The following VEPH1 variants were observed in gnomAD, a reference collection of about 807,000 sequenced individuals.
The protein encoded by VEPH1 is ventricular zone-expressed PH domain-containing protein homolog 1.
In VEPH1, 80 loss-of-function variants were observed where a neutral mutation model predicts 85.2. That is an observed-to-expected ratio of 0.94 (90% confidence interval 0.78 to 1.13). The LOEUF (loss-of-function observed/expected upper bound fraction) is 1.13. Among genes scored for constraint, VEPH1 ranks in the 50% most tolerant of loss-of-function variants. The probability of loss-of-function intolerance (pLI) is 0.00; values close to 1 mark genes in which losing one functional copy is unlikely to be tolerated. For missense variants in VEPH1, 955 were observed against 980.5 expected (o/e 0.97, Z 0.35); for synonymous variants, 297 against 348.0 (o/e 0.85, Z 1.63).
At chr3:157,437,110 A>G in intron 4 of VEPH1, 1 of 1,599,682 alleles carries the variant, frequency 6.3e-7, no homozygotes, top group African/African-American at 1.3e-5. Context: ...CTACATATCC[A>G]CCTCTTGGTC....
At chr3:157,402,623 T>G (rs992527244) in intron 6 of VEPH1, among the ~76,000 whole-genome samples, 31 of 152,190 alleles carry the variant, frequency 2.0e-4, no homozygotes, top group Admixed American at 2.0e-3. Context: ...TAGACCTTTA[T>G]AGGATCTATA....
chr3:157,428,453 A>G lies in VEPH1; in HGVS notation c.565T>C (p.Tyr189His). The change falls in exon 5 of 14, where the codon TAT becomes CAT. Residue 189 changes from tyrosine to histidine, a missense_variant. By Grantham distance (83) the Tyr-to-His change is moderately conservative. Transcript: ENST00000362010. Reference protein sequence around the residue: ...TMLLRVLPAVYEKQPQPINRH... With the variant: ...TMLLRVLPAVHEKQPQPINRH... ...TTAATTGGCTGAGGCTGCTTTTCAT[A>G]CACAGCAGGTAACACTCTCAACAAC... 1.9e-6 allele frequency: 3 copies of G among 1,614,044 alleles called. No individual in the cohort carries two copies. Among genetic ancestry groups the G allele is most frequent in the Non-Finnish European group, 2.5e-6 (3 of 1,179,988 alleles).
chr3:157,494,847 T>A (rs1188631700), intron 2 of VEPH1, among the ~76,000 whole-genome samples: 1 of 152,180 alleles, frequency 6.6e-6, no homozygotes, highest in African/African-American at 2.4e-5. Flanking sequence ...TGTTTACTGA[T>A]GCTGTTATGC....
At chr3:157,428,188 A>T in intron 5 of VEPH1, 134 bp downstream of exon 5, 1 of 854,764 alleles carries the variant, frequency 1.2e-6, no homozygotes, top group Non-Finnish European at 1.7e-6. Flanking sequence ...CAGAGTAAGT[A>T]GATGAGCGCT....
intron 11 of VEPH1, among the ~76,000 whole-genome samples, chr3:157,313,009 A>T (rs897664467): frequency 1.6e-4 from 22 of 137,604 alleles, no homozygotes; most frequent in African/African-American, 5.5e-4. Context: ...GGTTCACGCC[A>T]TTCTCCTGCC....
intron 4 of VEPH1, among the ~76,000 whole-genome samples, chr3:157,430,704 T>C (rs1221985723): frequency 2.6e-5 from 4 of 152,186 alleles, no homozygotes; most frequent in Non-Finnish European, 5.9e-5. Flanking sequence ...TGATGGTCCA[T>C]TGACCAAATA....
At chr3:157,484,023 T>C (rs559095734) in intron 2 of VEPH1, among the ~76,000 whole-genome samples, 76 of 152,192 alleles carry the variant, frequency 5.0e-4, no homozygotes, top group African/African-American at 1.7e-3. Context: ...CAAATAAAAC[T>C]ATATCTAGAC....
intron 12 of VEPH1, among the ~76,000 whole-genome samples, chr3:157,272,367 TC>T (rs1235710358): frequency 2.6e-5 from 3 of 113,874 alleles, no homozygotes; most frequent in Admixed American, 2.1e-4. Flanking sequence ...TTTCTTTCTT[TC>T]TCTTTCTTTT....
chr3:157,288,273 CT>C (rs1198155841), intron 11 of VEPH1, among the ~76,000 whole-genome samples: 3 of 152,164 alleles, frequency 2.0e-5, no homozygotes, highest in African/African-American at 7.2e-5. Context: ...ATTTTATTTC[CT>C]TTCCTTTAGC....
intron 6 of VEPH1, among the ~76,000 whole-genome samples, chr3:157,399,220 C>T (rs193241879): frequency 3.3e-5 from 5 of 152,238 alleles, no homozygotes; most frequent in Admixed American, 3.3e-4. Flanking sequence ...TTGGGAAGTT[C>T]TAGAAATGTC....
chr3:157,312,900 A>ATTTTTTTTTT (rs140277345), intron 11 of VEPH1, among the ~76,000 whole-genome samples: 2 of 98,102 alleles, frequency 2.0e-5, no homozygotes, highest in African/African-American at 4.2e-5. Context: ...AAAAAAAAAC[A>ATTTTTTTTTT]TTTTTTTTTT....
intron 5 of VEPH1, among the ~76,000 whole-genome samples, chr3:157,418,821 A>G (rs752759491): frequency 1.3e-5 from 2 of 152,248 alleles, no homozygotes; most frequent in Non-Finnish European, 2.9e-5. Flanking sequence ...ACAGAATTAG[A>G]AAAGACTATT....
intron 5 of VEPH1, among the ~76,000 whole-genome samples, chr3:157,421,431 G>A (rs1423767069): frequency 3.3e-5 from 5 of 152,174 alleles, no homozygotes; most frequent in Admixed American, 6.5e-5. Context: ...TTTAATGCAG[G>A]CAGGGAAGCT....
At chr3:157,491,013 C>T (rs1037037368) in intron 2 of VEPH1, among the ~76,000 whole-genome samples, 1 of 152,132 alleles carries the variant, frequency 6.6e-6, no homozygotes, top group Non-Finnish European at 1.5e-5. Context: ...CCTATGACAA[C>T]ATTTATATAA....
chr3:157,426,277 A>G (rs1732747138), intron 5 of VEPH1, among the ~76,000 whole-genome samples: 1 of 152,206 alleles, frequency 6.6e-6, no homozygotes, highest in South Asian at 2.1e-4. Flanking sequence ...CTCTAGGGGT[A>G]GAGCATGCAT....
chr3:157,286,364 C>A (rs1716767216), intron 12 of VEPH1, 193 bp downstream of exon 12: 2 of 621,188 alleles, frequency 3.2e-6, no homozygotes, highest in South Asian at 1.9e-5. Context: ...TTCTCTGCCT[C>A]CCAAAGTTTT....
intron 3 of VEPH1, among the ~76,000 whole-genome samples, chr3:157,465,071 T>G (rs975919460): frequency 6.6e-6 from 1 of 152,116 alleles, no homozygotes. Flanking sequence ...TACATCCCAG[T>G]CCCCTCCCAT....
chr3:157,480,639 T>C (rs1397006413), intron 2 of VEPH1, among the ~76,000 whole-genome samples: 2 of 152,242 alleles, frequency 1.3e-5, no homozygotes, highest in Admixed American at 6.5e-5. Context: ...ACTTTGTTTT[T>C]ATGGCTGTGC....
intron 6 of VEPH1, 155 bp from the exon 7 acceptor site, chr3:157,381,531 A>G: frequency 1.5e-6 from 1 of 663,698 alleles, no homozygotes; most frequent in Non-Finnish European, 2.6e-6. Context: ...CAGCCTGGGC[A>G]ACATGGTAAC....
Sources: gnomAD v4.1 joint callset for allele counts (sites outside exome capture counted in the v4.1 genomes callset) on GRCh38, gnomAD v4.1.1 for gene constraint, MANE v1.5 for transcripts, NCBI Gene and HGNC (gene_info 2026-07-23, HGNC 2026-07-21) for gene names.